The following USP54 variants were observed in gnomAD, a reference collection of about 807,000 sequenced individuals.
USP54 encodes the protein ubiquitin specific peptidase 54.
Under a neutral mutation model 170.5 loss-of-function variants are expected in USP54, and 87 were observed. The ratio of observed to expected loss-of-function variants is 0.51; its 90% CI spans 0.43 to 0.61. The LOEUF (loss-of-function observed/expected upper bound fraction) is 0.61, where lower values mean the gene tolerates loss of function less well. Ranked by LOEUF, USP54 falls within the 20% of genes least tolerant of loss-of-function variation. The pLI is 0.00. For missense variants in USP54, 1,786 were observed against 2,047.8 expected (o/e 0.87, Z 2.47); for synonymous variants, 655 against 742.8 (o/e 0.88, Z 1.92).
At position 73,541,487 on chromosome 10, in the gene USP54, A is replaced by G. The variant is rs1486539355; in HGVS notation, c.713T>C (p.Val238Ala). 6.2e-7 allele frequency: 1 copy of G among 1,614,078 alleles called. No individual in the cohort carries two copies. The highest frequency in any genetic ancestry group is 1.3e-5 in the African/African-American group (1 of 74,920). The change falls in exon 9 of 24, where the codon GTG becomes GCG. Residue 238 changes from valine (V) to alanine (A), a missense_variant. By Grantham distance (64) the Val-to-Ala change is moderately conservative (BLOSUM62 0). Transcript: ENST00000687698. ...NCGERIRIRRVLMNAPQIITI... is the reference protein window; with the variant it reads ...NCGERIRIRRALMNAPQIITI... ...GATAATCTGTGGAGCATTCATCAACACACGGCGAATCCTGATCCTCTCTCC... is the reference window on the plus strand; with the variant it reads ...GATAATCTGTGGAGCATTCATCAACGCACGGCGAATCCTGATCCTCTCTCC...
intron 12 of USP54, 41 bp downstream of exon 12, chr10:73,534,559 A>G (rs1293474587): frequency 6.3e-7 from 1 of 1,599,262 alleles, no homozygotes; most frequent in South Asian, 1.1e-5. Context: ...TCTATGCAGG[A>G]ATTGATTCAG....
chr10:73,604,918 C>T (rs1190533263), intron 1 of USP54, among the ~76,000 whole-genome samples: 2 of 152,078 alleles, frequency 1.3e-5, no homozygotes, highest in South Asian at 2.1e-4. Context: ...AGCGGGTTGC[C>T]GCTGCTAGCT....
intron 15 of USP54, 72 bp downstream of exon 15, chr10:73,529,608 G>T: frequency 6.4e-7 from 1 of 1,556,602 alleles, no homozygotes; most frequent in South Asian, 1.1e-5. Context: ...TCTCAGCCAT[G>T]CCTGAAAGCC....
chr10:73,522,437 A>C (rs1705426958), intron 17 of USP54, among the ~76,000 whole-genome samples: 1 of 152,222 alleles, frequency 6.6e-6, no homozygotes, highest in African/African-American at 2.4e-5. Flanking sequence ...CTCATGCAGG[A>C]AATGCTGAAC....
intron 12 of USP54, among the ~76,000 whole-genome samples, chr10:73,532,310 C>G (rs575433147): frequency 1.2e-4 from 18 of 152,234 alleles, no homozygotes; most frequent in African/African-American, 4.3e-4. Flanking sequence ...GTAGCTGGGA[C>G]TACAGACGCC....
intron 4 of USP54, among the ~76,000 whole-genome samples, chr10:73,555,302 C>A (rs1396073766): frequency 6.6e-6 from 1 of 152,148 alleles, no homozygotes; most frequent in Non-Finnish European, 1.5e-5. Flanking sequence ...AAAGCACATA[C>A]CTATCCTTTA....
rs139274060 is a variant in USP54 at position 73,517,732 on chromosome 10, C to G, written c.2694G>C (p.Pro898=). 7.2e-5 allele frequency: 116 copies of G among 1,612,082 alleles called. No homozygotes were observed. Among genetic ancestry groups the G allele is most frequent in the Middle Eastern group, 1.7e-4 (1 of 6,036 alleles). The change falls in exon 20 of 24, where the codon CCG becomes CCC. Residue 898 remains proline, a synonymous_variant. Coordinates refer to ENST00000687698, the MANE Select transcript of USP54 (RefSeq NM_001391956.1). The part of the protein sequence containing the change: ...LSQPTSEQPI[P]LQVLLSQEAQ... ...CCTCTTGGCTTAACAATACTTGGAG[C>G]GGGATAGGCTGTTCACTGAAACAAA...
At chr10:73,555,420 T>G (rs1009962931) in intron 4 of USP54, among the ~76,000 whole-genome samples, 1 of 152,150 alleles carries the variant, frequency 6.6e-6, no homozygotes, top group African/African-American at 2.4e-5. Context: ...AATGGTGAGG[T>G]TAAAGACAAT....
chr10:73,623,383 C>T (rs1007871845), intron 1 of USP54, among the ~76,000 whole-genome samples: 1 of 151,842 alleles, frequency 6.6e-6, no homozygotes, highest in African/African-American at 2.4e-5. Flanking sequence ...AAAACCCTGT[C>T]TCAAAAAAAG....
chr10:73,606,889 A>AG (rs1007828610), intron 1 of USP54, among the ~76,000 whole-genome samples: 2 of 151,836 alleles, frequency 1.3e-5, no homozygotes, highest in African/African-American at 4.8e-5. Flanking sequence ...AAAAAAAAAA[A>AG]AAAAAAAAGA....
At chr10:73,563,619 TAG>T (rs1242576710) in intron 4 of USP54, among the ~76,000 whole-genome samples, 2 of 152,038 alleles carry the variant, frequency 1.3e-5, no homozygotes, top group East Asian at 3.9e-4. Flanking sequence ...GTATTTTTAG[TAG>T]AGACAGGGTT....
chr10:73,589,863 GA>G (rs2078024619), intron 1 of USP54, among the ~76,000 whole-genome samples: 1 of 152,238 alleles, frequency 6.6e-6, no homozygotes, highest in East Asian at 1.9e-4. Context: ...GAGGTGAAGG[GA>G]TGAGAAGGAA....
In USP54 at chr10:73,530,826, G is replaced by A; in HGVS notation, c.1325C>T (p.Thr442Ile). Residue 442 changes from threonine to isoleucine, a missense_variant, in exon 13 of 24, where the codon ACT (threonine) becomes ATT (isoleucine). Coordinates refer to ENST00000687698, the MANE Select transcript of USP54 (RefSeq NM_001391956.1). ...GTGTTTCTGATTACATTCACTATCAGTCAGGTGTCCTGAAAAAACAAGGAA... is the reference window on the plus strand; with the variant it reads ...GTGTTTCTGATTACATTCACTATCAATCAGGTGTCCTGAAAAAACAAGGAA... ...SQSSRDTGHL[T>I]DSECNQKHTS... 1 of 1,613,966 alleles carries A rather than the reference G, an allele frequency of 6.2e-7. No homozygotes were observed. Among genetic ancestry groups the A allele is most frequent in the African/African-American group, 1.3e-5 (1 of 75,026 alleles).
rs1589734970 is a variant in USP54, at chr10:73,498,144, C to T, written c.*485G>A. ...AAGTTGGAATTTCAAATATCCCCTC[C>T]CAAAGAATCACATCTTTTTAGAGGT... On this transcript the variant is annotated 3_prime_UTR_variant, in exon 24 of 24. Coordinates refer to ENST00000687698, the MANE Select transcript of USP54 (RefSeq NM_001391956.1). 1 of 152,502 alleles carries T rather than the reference C, an allele frequency of 6.6e-6. No homozygotes were observed. The highest frequency in any genetic ancestry group is 2.1e-4 in the South Asian group (1 of 4,826). The allele number at this position is 152,502 out of a possible 1,614,324, so 9.4% of individuals were successfully genotyped here.
At chr10:73,622,416 T>G (rs1259539058) in intron 1 of USP54, among the ~76,000 whole-genome samples, 1 of 151,972 alleles carries the variant, frequency 6.6e-6, no homozygotes, top group Non-Finnish European at 1.5e-5. Flanking sequence ...CTCCGCTTCC[T>G]GGGTTCAAGC....
chr10:73,499,972 C>T (rs1204986200), intron 23 of USP54: 1 of 152,192 alleles, frequency 6.6e-6, no homozygotes, highest in Non-Finnish European at 1.5e-5. Context: ...GGGTTTACAA[C>T]AACAACTGAG....
At chr10:73,528,085 G>A (rs962424319) in intron 15 of USP54, among the ~76,000 whole-genome samples, 4 of 150,530 alleles carry the variant, frequency 2.7e-5, no homozygotes, top group Non-Finnish European at 4.4e-5. Flanking sequence ...AGAGGTGCGC[G>A]CCACCATGCC....
At chr10:73,522,244 CTGAAG>C (rs1481757116) in intron 17 of USP54, among the ~76,000 whole-genome samples, 2 of 152,228 alleles carry the variant, frequency 1.3e-5, no homozygotes, top group African/African-American at 4.8e-5. Flanking sequence ...CTCCCCAGAC[CTGAAG>C]TTCTCTCATA....
At chr10:73,538,067 T>G (rs972139542) in intron 10 of USP54, 1 of 152,082 alleles carries the variant, frequency 6.6e-6, no homozygotes, top group African/African-American at 2.4e-5. Flanking sequence ...CAGCCAGGCA[T>G]GATGGTACGC....
Sources: gnomAD v4.1 joint callset for allele counts (sites outside exome capture counted in the v4.1 genomes callset) on GRCh38, gnomAD v4.1.1 for gene constraint, MANE v1.5 for transcripts, NCBI Gene and HGNC (gene_info 2026-07-23, HGNC 2026-07-21) for gene names.